Variants in COL11A1 observed in about 807,000 individuals in gnomAD.
COL11A1 encodes the protein collagen alpha-1(XI) chain.
In COL11A1, 74 loss-of-function variants were observed where a neutral mutation model predicts 265.2. The observed-to-expected ratio is 0.28, with a 90% confidence interval of 0.23 to 0.34. The LOEUF is 0.34. COL11A1 is among the 10% of genes least tolerant of loss of function. The probability of loss-of-function intolerance (pLI) is 1.00; values close to 1 mark genes in which losing one functional copy is unlikely to be tolerated. For missense variants in COL11A1, 2,165 were observed against 2,263.6 expected (o/e 0.96, Z 0.88); for synonymous variants, 816 against 727.6 (o/e 1.12, Z -1.96).
chr1:102,986,968 C>A lies in COL11A1; in HGVS notation c.2502+665G>T, dbSNP rs527435759. On this transcript the variant is annotated intron_variant, in intron 30 of 66. Transcript: ENST00000370096. ...TTTAATAGACTTATTATGTGAAATG[C>A]ATGTTTAAGTGGAAAAAATAAAAGA... Among the ~76,000 whole-genome samples the A allele has an allele frequency of 6.2e-4, 93 of 151,084 alleles. 1 individual carries two copies. Among genetic ancestry groups the A allele is most frequent in the Middle Eastern group, 3.4e-3 (1 of 294 alleles).
chr1:103,107,589 T>C (rs1263703421), intron 1 of COL11A1, among the ~76,000 whole-genome samples: 1 of 150,052 alleles, frequency 6.7e-6, no homozygotes, highest in Non-Finnish European at 1.5e-5. Flanking sequence ...GCTTCTCACT[T>C]GGTTGCAGAC....
intron 41 of COL11A1, among the ~76,000 whole-genome samples, chr1:102,952,833 T>G (rs1205228409): frequency 5.9e-5 from 9 of 152,218 alleles, no homozygotes; most frequent in African/African-American, 2.2e-4. Flanking sequence ...CATGCCAACT[T>G]TAAAAGAATA....
At chr1:103,097,520 C>A (rs1673874458) in intron 1 of COL11A1, among the ~76,000 whole-genome samples, 1 of 151,992 alleles carries the variant, frequency 6.6e-6, no homozygotes, top group African/African-American at 2.4e-5. Context: ...GAACCATACA[C>A]CTCTCCTTCA....
rs1200989019 is a variant in COL11A1 at position 102,890,431 on chromosome 1, A to G, written c.4356+20T>C. On this transcript the variant is annotated intron_variant, in intron 58 of 66. Transcript: ENST00000370096. ...ATAAAAGCATATTCTTTTATTAATAACACATTCTTTTATTCTCACCTTTTC... is the reference window on the plus strand; with the variant it reads ...ATAAAAGCATATTCTTTTATTAATAGCACATTCTTTTATTCTCACCTTTTC... The G allele has an allele frequency of 1.3e-6, 2 of 1,595,258 alleles. No individual in the cohort carries two copies. The highest frequency in any genetic ancestry group is 1.7e-6 in the Non-Finnish European group (2 of 1,167,946).
intron 49 of COL11A1, among the ~76,000 whole-genome samples, chr1:102,919,753 G>A (rs1276478251): frequency 6.6e-6 from 1 of 152,020 alleles, no homozygotes. Context: ...AAGCTATTCT[G>A]AGCCCAGATA....
chr1:102,945,172 G>C (rs1349199423), intron 42 of COL11A1, among the ~76,000 whole-genome samples: 1 of 152,026 alleles, frequency 6.6e-6, no homozygotes, highest in African/African-American at 2.4e-5. Flanking sequence ...TAGGCCATGA[G>C]GGCAAAATGA....
intron 3 of COL11A1, 29 bp downstream of exon 3, chr1:103,078,629 C>T (rs1356368578): frequency 1.3e-6 from 2 of 1,593,988 alleles, no homozygotes; most frequent in South Asian, 1.1e-5. Flanking sequence ...TTTGGCATAG[C>T]TAAAACATTG....
chr1:102,933,411 A>T (rs1657742102), intron 46 of COL11A1, among the ~76,000 whole-genome samples: 2 of 149,828 alleles, frequency 1.3e-5, no homozygotes, highest in Admixed American at 6.7e-5. Context: ...CTCGGGGGTC[A>T]GGGGTCAGGG....
intron 4 of COL11A1, among the ~76,000 whole-genome samples, chr1:103,043,823 C>G (rs756410981): frequency 1.1e-4 from 16 of 151,894 alleles, no homozygotes; most frequent in Non-Finnish European, 1.8e-4. Context: ...TTCTATAAAT[C>G]AAACACATGA....
chr1:102,955,425 A>G (rs1462183778), intron 41 of COL11A1, among the ~76,000 whole-genome samples: 7 of 152,186 alleles, frequency 4.6e-5, no homozygotes, highest in African/African-American at 1.7e-4. Flanking sequence ...ATACCGCACA[A>G]TTTTGAAATA....
rs1665854096 is a variant in COL11A1 at position 103,008,655 on chromosome 1, G to A, written c.1630-139C>T. On this transcript the variant is annotated intron_variant, in intron 14 of 66. Coordinates refer to ENST00000370096, the MANE Select transcript of COL11A1 (RefSeq NM_001854.4). ...TAGCATTAACTTATTAATTAACACAGTAAAATTTTCCAGCACTTGCATTGA... is the reference window on the plus strand; with the variant it reads ...TAGCATTAACTTATTAATTAACACAATAAAATTTTCCAGCACTTGCATTGA... 6.3e-6 allele frequency: 5 copies of A among 791,056 alleles called. No homozygotes were observed. In the East Asian group the frequency reaches 1.1e-4, roughly 17 times the overall value. 49.0% of individuals were successfully genotyped at this position (791,056 alleles called of 1,614,324 possible).
chr1:103,096,142 A>G (rs1285260506), intron 1 of COL11A1, among the ~76,000 whole-genome samples: 4 of 151,916 alleles, frequency 2.6e-5, no homozygotes. Context: ...GAAGGTGCAG[A>G]TAGTTTCCAT....
intron 1 of COL11A1, among the ~76,000 whole-genome samples, chr1:103,083,358 A>T (rs1165828992): frequency 6.6e-6 from 1 of 152,052 alleles, no homozygotes; most frequent in Non-Finnish European, 1.5e-5. Context: ...ATTATAATTT[A>T]TAAAATATTT....
At chr1:102,915,563 G>C (rs3737211) in intron 50 of COL11A1, 68 bp downstream of exon 50, 1 of 1,340,558 alleles carries the variant, frequency 7.5e-7, no homozygotes, top group East Asian at 2.3e-5. Flanking sequence ...GTTGTTACAT[G>C]TTTGTAATGC....
chr1:102,923,874 CA>C (rs1656270005), intron 46 of COL11A1, among the ~76,000 whole-genome samples: 1 of 151,742 alleles, frequency 6.6e-6, no homozygotes, highest in Admixed American at 6.6e-5. Context: ...CTGAATCTTA[CA>C]AATCAATGAG....
chr1:103,001,231 T>C, intron 24 of COL11A1: 1 of 397,522 alleles, frequency 2.5e-6, no homozygotes, highest in East Asian at 3.6e-5. Context: ...AATTCACTTG[T>C]ACACTTAAAA....
chr1:103,004,726 G>T, intron 18 of COL11A1, 65 bp from the exon 19 acceptor site: 3 of 1,383,212 alleles, frequency 2.2e-6, no homozygotes, highest in Non-Finnish European at 3.1e-6. Flanking sequence ...AGTCTATCAG[G>T]TAGCTATCCA....
At chr1:102,950,982 G>C (rs759617531) in intron 41 of COL11A1, among the ~76,000 whole-genome samples, 5 of 152,078 alleles carry the variant, frequency 3.3e-5, no homozygotes, top group African/African-American at 4.8e-5. Flanking sequence ...TTGTGAAGAA[G>C]GTGCCTTGCT....
At chr1:103,022,626 A>G in intron 8 of COL11A1, 116 bp downstream of exon 8, 1 of 1,264,700 alleles carries the variant, frequency 7.9e-7, no homozygotes, top group South Asian at 1.2e-5. Context: ...GGCATTCATA[A>G]TTTACATAAA....
Sources: allele counts gnomAD v4.1 joint callset (sites outside exome capture counted in the v4.1 genomes callset), GRCh38; gene constraint gnomAD v4.1.1; transcripts MANE v1.5; gene names NCBI Gene and HGNC (gene_info 2026-07-23, HGNC 2026-07-21).